Variants in AFG2A observed in about 807,000 individuals in gnomAD.
AFG2A encodes the protein ATPase family gene 2 protein homolog A.
the AFG2A span, among the ~76,000 whole-genome samples, chr4:122,945,650 ACT>A: frequency 6.6e-6 from 1 of 152,144 alleles, no homozygotes; most frequent in Non-Finnish European, 1.5e-5. Flanking sequence ...CGCTGCACCC[ACT>A]GTCCTGCACC....
the AFG2A span, among the ~76,000 whole-genome samples, chr4:123,104,797 G>A: frequency 6.6e-6 from 1 of 152,322 alleles, no homozygotes; most frequent in African/African-American, 2.4e-5. Context: ...TCAATTCTGT[G>A]AAGGCGGAGA....
the AFG2A span, among the ~76,000 whole-genome samples, chr4:123,118,742 T>C: frequency 5.9e-5 from 9 of 152,134 alleles, no homozygotes; most frequent in African/African-American, 2.2e-4. Context: ...GATTCTACCA[T>C]TTTTTACTTT....
the AFG2A span, among the ~76,000 whole-genome samples, chr4:123,040,526 C>T: frequency 2.6e-5 from 4 of 152,250 alleles, no homozygotes; most frequent in African/African-American, 7.2e-5. Context: ...CTTTATATTT[C>T]GTCTTTTTAG....
At chr4:123,317,471 T>TC in the AFG2A span, 1 of 152,150 alleles carries the variant, frequency 6.6e-6, no homozygotes, top group Non-Finnish European at 1.5e-5. Flanking sequence ...GCTTGTAATC[T>TC]CACAGGATGT....
At chr4:123,270,785 A>G in the AFG2A span, among the ~76,000 whole-genome samples, 1 of 152,228 alleles carries the variant, frequency 6.6e-6, no homozygotes, top group South Asian at 2.1e-4. Flanking sequence ...TGATCAAAGT[A>G]CAATTAGAAG....
At chr4:123,265,013 G>C in the AFG2A span, among the ~76,000 whole-genome samples, 1 of 152,038 alleles carries the variant, frequency 6.6e-6, no homozygotes, top group Admixed American at 6.6e-5. Context: ...ATTTTCTTCT[G>C]TGGCCAAAAG....
chr4:123,073,211 C>T, the AFG2A span, among the ~76,000 whole-genome samples: 14 of 151,098 alleles, frequency 9.3e-5, no homozygotes, highest in South Asian at 2.1e-4. Flanking sequence ...TTACCTTCTC[C>T]GGCCTATCTC....
chr4:123,066,544 T>C, the AFG2A span, among the ~76,000 whole-genome samples: 1 of 152,150 alleles, frequency 6.6e-6, no homozygotes, highest in Non-Finnish European at 1.5e-5. Flanking sequence ...TACTGCTGTT[T>C]CATATATTAT....
the AFG2A span, among the ~76,000 whole-genome samples, chr4:123,224,972 C>A: frequency 6.6e-6 from 1 of 152,170 alleles, no homozygotes; most frequent in South Asian, 2.1e-4. Context: ...TGATGATGAC[C>A]ATTTTTTCAT....
the AFG2A span, among the ~76,000 whole-genome samples, chr4:123,301,442 G>GATACATGAGT: frequency 6.6e-6 from 1 of 152,026 alleles, no homozygotes; most frequent in African/African-American, 2.4e-5. Flanking sequence ...AAATAAAAAA[G>GATACATGAGT]ATACATGAGT....
chr4:123,290,153 G>A, the AFG2A span, among the ~76,000 whole-genome samples: 1 of 152,112 alleles, frequency 6.6e-6, no homozygotes, highest in African/African-American at 2.4e-5. Context: ...CAGGATGTCT[G>A]TTCACTCTCT....
chr4:123,233,128 G>T, the AFG2A span, among the ~76,000 whole-genome samples: 1 of 151,918 alleles, frequency 6.6e-6, no homozygotes, highest in African/African-American at 2.4e-5. Flanking sequence ...AGTGTTAATC[G>T]CATGACCCAC....
chr4:123,024,085 G>A, the AFG2A span, among the ~76,000 whole-genome samples: 1 of 151,970 alleles, frequency 6.6e-6, no homozygotes, highest in Non-Finnish European at 1.5e-5. Flanking sequence ...GCAATGAAGT[G>A]GGCATTTAAG....
the AFG2A span, among the ~76,000 whole-genome samples, chr4:123,175,651 A>G: frequency 2.0e-5 from 3 of 152,194 alleles, no homozygotes; most frequent in East Asian, 1.9e-4. Flanking sequence ...TACATATTCT[A>G]TTGAAACACA....
the AFG2A span, among the ~76,000 whole-genome samples, chr4:123,216,591 A>T: frequency 6.0e-4 from 91 of 152,272 alleles, no homozygotes; most frequent in African/African-American, 1.9e-3. Context: ...TTTATGTAAA[A>T]CTATGTATGT....
chr4:123,159,129 A>G, the AFG2A span, among the ~76,000 whole-genome samples: 1 of 152,200 alleles, frequency 6.6e-6, no homozygotes, highest in Non-Finnish European at 1.5e-5. Flanking sequence ...ATGCCAGGTA[A>G]ATCAGGCCTG....
the AFG2A span, among the ~76,000 whole-genome samples, chr4:123,237,578 C>T: frequency 6.9e-6 from 1 of 144,430 alleles, no homozygotes; most frequent in Non-Finnish European, 1.5e-5. Flanking sequence ...GAGGTTGAGG[C>T]ATGAGAATCG....
the AFG2A span, among the ~76,000 whole-genome samples, chr4:123,020,559 G>A: frequency 1.3e-5 from 2 of 151,882 alleles, no homozygotes; most frequent in African/African-American, 4.8e-5. Context: ...AGTAGAGGCG[G>A]GGTTTCACCA....
At chr4:123,121,479 T>C in the AFG2A span, among the ~76,000 whole-genome samples, 3 of 152,198 alleles carry the variant, frequency 2.0e-5, 1 homozygote, top group African/African-American at 7.2e-5. Context: ...GCAAGTACCA[T>C]TGCTGGTAAG....
Sources: allele counts gnomAD v4.1 joint callset (sites outside exome capture counted in the v4.1 genomes callset), GRCh38; gene constraint gnomAD v4.1.1; transcripts MANE v1.5; gene names NCBI Gene and HGNC (gene_info 2026-07-23, HGNC 2026-07-21).